Variants in CADPS observed in about 807,000 individuals in gnomAD.
The protein encoded by CADPS is calcium dependent secretion activator.
CADPS carries 57 observed loss-of-function variants against 167.3 expected under a neutral mutation model. The observed-to-expected ratio is 0.34, with a 90% CI of 0.28 to 0.42. The LOEUF (loss-of-function observed/expected upper bound fraction) is 0.42. CADPS is among the 20% of genes least tolerant of loss of function. The probability of loss-of-function intolerance (pLI) is 1.00; values close to 1 mark genes in which losing one functional copy is unlikely to be tolerated. For missense variants in CADPS, 1,414 were observed against 1,738.1 expected (o/e 0.81, Z 3.32); for synonymous variants, 676 against 635.3 (o/e 1.06, Z -0.96).
At chr3:62,749,844 G>A (rs2082304122) in intron 3 of CADPS, among the ~76,000 whole-genome samples, 1 of 152,190 alleles carries the variant, frequency 6.6e-6, no homozygotes, top group Non-Finnish European at 1.5e-5. Context: ...GAGTCAGAGA[G>A]CTCTGTCCCA....
chr3:62,556,213 G>T (rs969273033), intron 10 of CADPS, among the ~76,000 whole-genome samples: 5 of 152,172 alleles, frequency 3.3e-5, no homozygotes, highest in East Asian at 1.9e-4. Context: ...TTTCAAACTC[G>T]TTGGTTCTGC....
At chr3:62,677,567 A>T (rs1404408258) in intron 3 of CADPS, among the ~76,000 whole-genome samples, 1 of 152,086 alleles carries the variant, frequency 6.6e-6, no homozygotes, top group African/African-American at 2.4e-5. Flanking sequence ...CATACAATGC[A>T]CAAGACAGCC....
intron 13 of CADPS, among the ~76,000 whole-genome samples, chr3:62,521,502 T>C (rs933097614): frequency 2.6e-5 from 4 of 152,196 alleles, no homozygotes; most frequent in Non-Finnish European, 5.9e-5. Flanking sequence ...TTGGGGGTGA[T>C]TCTACAACTG....
At chr3:62,698,763 A>T in intron 3 of CADPS, among the ~76,000 whole-genome samples, 1 of 91,190 alleles carries the variant, frequency 1.1e-5, no homozygotes, top group African/African-American at 4.7e-5. Flanking sequence ...TTTTTCAGAC[A>T]GGGTCTTGCT....
chr3:62,493,275 C>A (rs2151125363), intron 19 of CADPS, among the ~76,000 whole-genome samples: 1 of 152,234 alleles, frequency 6.6e-6, no homozygotes, highest in African/African-American at 2.4e-5. Flanking sequence ...GGCATGCATG[C>A]ATGTTGACTA....
chr3:62,746,516 T>G (rs959381644), intron 3 of CADPS, among the ~76,000 whole-genome samples: 1 of 152,152 alleles, frequency 6.6e-6, no homozygotes, highest in African/African-American at 2.4e-5. Flanking sequence ...TTTTAAATGT[T>G]TTGTAGAGAT....
intron 3 of CADPS, among the ~76,000 whole-genome samples, chr3:62,665,557 T>C (rs2074252908): frequency 6.6e-6 from 1 of 152,214 alleles, no homozygotes; most frequent in African/African-American, 2.4e-5. Context: ...TTTGGTTTTC[T>C]AATTGATCCT....
At chr3:62,557,367 G>A (rs1577743919) in intron 10 of CADPS, 38 bp downstream of exon 10, 1 of 1,387,470 alleles carries the variant, frequency 7.2e-7, no homozygotes. Flanking sequence ...GGAAGGTTGA[G>A]GGTTTGTGGG....
chr3:62,723,857 G>T (rs918071765), intron 3 of CADPS, among the ~76,000 whole-genome samples: 2 of 152,216 alleles, frequency 1.3e-5, no homozygotes, highest in Admixed American at 6.5e-5. Context: ...CACTGAGGTA[G>T]CCACGTTCTC....
At chr3:62,404,655 A>G (rs2149097181) in intron 28 of CADPS, 1 of 151,902 alleles carries the variant, frequency 6.6e-6, no homozygotes, top group East Asian at 1.9e-4. Flanking sequence ...ACACTACCCC[A>G]ATCGAGGCAG....
intron 6 of CADPS, among the ~76,000 whole-genome samples, chr3:62,624,612 T>C (rs565997661): frequency 1.3e-5 from 2 of 152,318 alleles, no homozygotes; most frequent in African/African-American, 4.8e-5. Context: ...ACTTGCTTCC[T>C]GTTTTACTGA....
At chr3:62,606,243 T>C (rs1378979738) in intron 6 of CADPS, among the ~76,000 whole-genome samples, 1 of 152,194 alleles carries the variant, frequency 6.6e-6, no homozygotes, top group South Asian at 2.1e-4. Flanking sequence ...CAAAAACACA[T>C]TGTAAAATGT....
chr3:62,475,584 G>GAAAAAAAAAAAAAAA (rs34263556), intron 23 of CADPS, among the ~76,000 whole-genome samples: 2 of 55,950 alleles, frequency 3.6e-5, no homozygotes, highest in African/African-American at 7.7e-5. Flanking sequence ...CAGTTCTTAA[G>GAAAAAAAAAAAAAAA]AAAAAAAAAA....
rs73840523 is a variant in CADPS at position 62,606,899 on chromosome 3, A to T, written c.1326-14151T>A. On this transcript the variant is annotated intron_variant, in intron 6 of 29. Transcript: ENST00000383710. ...ACAGTGAGAATCGAAGGCCAGCCAG[A>T]TCCAGAACTGAAAGCAGAGCCATTC... Among the ~76,000 whole-genome samples, 77 of 152,354 alleles carry T rather than the reference A, an allele frequency of 5.1e-4. 1 individual carries two copies. Among genetic ancestry groups the T allele is most frequent in the African/African-American group, 1.8e-3 (75 of 41,588 alleles).
chr3:62,775,233 A>G (rs1315830180), intron 1 of CADPS, among the ~76,000 whole-genome samples: 1 of 142,072 alleles, frequency 7.0e-6, no homozygotes, highest in East Asian at 2.1e-4. Flanking sequence ...TTTTTTTTTT[A>G]GTAGAGATGG....
intron 8 of CADPS, among the ~76,000 whole-genome samples, chr3:62,580,834 G>A (rs1277425082): frequency 2.0e-5 from 3 of 152,184 alleles, no homozygotes; most frequent in African/African-American, 7.2e-5. Context: ...AGTTAGTTTA[G>A]TAGTATTCAA....
chr3:62,592,892 G>A, intron 6 of CADPS, 144 bp from the exon 7 acceptor site: 1 of 545,148 alleles, frequency 1.8e-6, no homozygotes, highest in Non-Finnish European at 3.3e-6. Context: ...CTTCAAAGCT[G>A]CCAGAGTAAC....
chr3:62,604,648 T>C (rs1283387699), intron 6 of CADPS, among the ~76,000 whole-genome samples: 1 of 152,250 alleles, frequency 6.6e-6, no homozygotes. Context: ...AATGTCAGTG[T>C]TGCCTTCTCT....
intron 2 of CADPS, among the ~76,000 whole-genome samples, chr3:62,759,322 A>G (rs1196726291): frequency 6.6e-6 from 1 of 152,194 alleles, no homozygotes; most frequent in Non-Finnish European, 1.5e-5. Flanking sequence ...GTTGCCTACT[A>G]TTCGGCTAAG....
Sources: allele counts gnomAD v4.1 joint callset (sites outside exome capture counted in the v4.1 genomes callset), GRCh38; gene constraint gnomAD v4.1.1; transcripts MANE v1.5; gene names NCBI Gene and HGNC (gene_info 2026-07-23, HGNC 2026-07-21).